CDKN2A: variants seen among roughly 807,000 people sequenced by gnomAD.
The protein encoded by CDKN2A is cyclin dependent kinase inhibitor 2A.
A neutral mutation model predicts 11.1 loss-of-function variants in CDKN2A; 3 were observed. The observed-to-expected ratio is 0.27, with a 90% CI of 0.12 to 0.70. The LOEUF is 0.70. Among genes scored for constraint, CDKN2A ranks in the 30% least tolerant of loss-of-function variants. The pLI, the probability that CDKN2A is intolerant of heterozygous loss-of-function variation, is 0.77. For missense variants in CDKN2A, 265 were observed against 233.6 expected, an observed-to-expected ratio of 1.13 and a Z score of -0.88; for synonymous variants, 122 against 108.1, an observed-to-expected ratio of 1.13 and a Z score of -0.80.
intron 1 of CDKN2A, among the ~76,000 whole-genome samples, chr9:21,971,595 T>TTTTTTTTTTTTTTC (rs1819764570): frequency 6.7e-6 from 1 of 150,304 alleles, no homozygotes; most frequent in African/African-American, 2.5e-5. Context: ...TTTTTTTTGT[T>TTTTTTTTTTTTTTC]CACTGCTGTA....
At chr9:21,994,542 C>T in intron 1 of CDKN2A, 1 of 1,244,668 alleles carries the variant, frequency 8.0e-7, no homozygotes, top group Non-Finnish European at 1.1e-6. Flanking sequence ...CACTCCCACC[C>T]GGACCTCCAA....
intron 2 of CDKN2A, 73 bp downstream of exon 2, chr9:21,970,829 T>G: frequency 6.3e-7 from 1 of 1,578,664 alleles, no homozygotes; most frequent in South Asian, 1.1e-5. Flanking sequence ...GGCTGAACTT[T>G]CTGTGCTGGA....
At chr9:21,978,727 C>T (rs1414843207), upstream of CDKN2A, among the ~76,000 whole-genome samples, 1 of 152,138 alleles carries the variant, frequency 6.6e-6, no homozygotes, top group African/African-American at 2.4e-5. Context: ...AAAAAGACTA[C>T]CACCTGTTCA....
upstream of CDKN2A, among the ~76,000 whole-genome samples, chr9:21,977,774 T>A (rs532075359): frequency 9.7e-4 from 147 of 152,270 alleles, no homozygotes; most frequent in South Asian, 2.9e-3. Context: ...TGATTTTTTT[T>A]AAAAAAGATG....
intron 2 of CDKN2A, among the ~76,000 whole-genome samples, chr9:21,982,932 T>C (rs1472812837): frequency 9.2e-5 from 14 of 152,056 alleles, no homozygotes; most frequent in Non-Finnish European, 1.5e-5. Flanking sequence ...CTTAAGGTTC[T>C]CAGTTCTGTT....
rs761002695 is a variant in CDKN2A, at chr9:21,994,194, C to T, written c.-175-141G>A. ...GACGCTGGCTCCTCAGTAGCATCAG[C>T]ACGAGGGCCACAGCGGCGGGCGCCC... On this transcript the variant is annotated intron_variant, in intron 1 of 3. Coordinates refer to the CDKN2A transcript ENST00000494262. 1.9e-6 allele frequency: 3 copies of T among 1,606,324 alleles called. No homozygotes were observed. The highest frequency in any genetic ancestry group is 1.1e-5 in the South Asian group (1 of 91,064).
intron 1 of CDKN2A, chr9:21,971,449 C>T: frequency 1.6e-6 from 2 of 1,276,406 alleles, no homozygotes; most frequent in East Asian, 2.6e-5. Flanking sequence ...GCAGAGAGCA[C>T]TGTGAGGCAC....
rs372481694 is a variant in CDKN2A, at chr9:21,971,034, C to G, written c.325G>C (p.Ala109Pro). The G allele has an allele frequency of 1.2e-5, 19 of 1,606,256 alleles. No individual in the cohort carries two copies. In the African/African-American group the frequency reaches 2.0e-4, roughly 17 times the overall value. ...AGGTCCACGGGCAGACGGCCCCAGG[C>G]ATCGCGCACGTCCAGCCGCGCCCCG... ...RAGARLDVRD[A>P]WGRLPVDLAE... Residue 109 changes from alanine to proline, a missense_variant, in exon 2 of 3, where the codon GCC becomes CCC. By Grantham distance (27) the Ala-to-Pro change is conservative. Coordinates refer to ENST00000304494, the MANE Select transcript of CDKN2A (RefSeq NM_000077.5).
At chr9:21,975,574 C>T (rs140967327), upstream of CDKN2A, among the ~76,000 whole-genome samples, 241 of 152,294 alleles carry the variant, frequency 1.6e-3, 1 homozygote, top group African/African-American at 5.6e-3. Flanking sequence ...TTCCCCTCCC[C>T]TTCCCCTCCT....
At position 21,974,765 on chromosome 9, in the gene CDKN2A, G is replaced by C. The variant is rs2131113267; in HGVS notation, c.63C>G (p.Ala21=). Residue 21 remains alanine, a synonymous_variant, in exon 1 of 3, where the codon GCC becomes GCG. Coordinates refer to ENST00000304494, the MANE Select transcript of CDKN2A (RefSeq NM_000077.5). This position sits in a 1 kb window ranked among gnomAD's most constrained non-coding sequence, Gnocchi z 5.2. ...PSADWLATAA[A]RGRVEEVRAL... The stretch of plus-strand genomic sequence containing the variant: ...CCCGCACCTCCTCTACCCGACCCCG[G>C]GCCGCGGCCGTGGCCAGCCAGTCAG... 1 of 1,608,830 alleles carries C rather than the reference G, an allele frequency of 6.2e-7. No individual in the cohort carries two copies. The highest frequency in any genetic ancestry group is 1.1e-5 in the South Asian group (1 of 90,990).
Position 21,968,552 on chromosome 9 carries a change from A to G in CDKN2A, c.458-310T>C. Reference sequence around the variant, plus strand: ...TGCAAGAAGAAAACGAGTGTTATATAATGAGTCTCAGTGGTTGCTCACAAT... The same window carrying G: ...TGCAAGAAGAAAACGAGTGTTATATGATGAGTCTCAGTGGTTGCTCACAAT... On this transcript the variant is annotated intron_variant, in intron 2 of 2. Transcript: ENST00000304494. This position sits in a 1 kb window ranked among gnomAD's most constrained non-coding sequence, Gnocchi z 4.7. The G allele has an allele frequency of 1.4e-6, 2 of 1,457,206 alleles. No homozygotes were observed. Among genetic ancestry groups the G allele is most frequent in the Non-Finnish European group, 9.0e-7 (1 of 1,112,532 alleles). The allele number at this position is 1,457,206 out of a possible 1,614,324, so 90.3% of individuals were successfully genotyped here.
At position 21,988,396 on chromosome 9, in the gene CDKN2A, T is replaced by C. The variant is rs1385316877; in HGVS notation, c.-4+5486A>G. 6.6e-6 allele frequency among the ~76,000 whole-genome samples: 1 copy of C among 152,236 alleles called. No individual in the cohort carries two copies. Among genetic ancestry groups the C allele is most frequent in the East Asian group, 1.9e-4 (1 of 5,202 alleles). On this transcript the variant is annotated intron_variant, in intron 2 of 3. Transcript: ENST00000494262. The surrounding 1 kb of genome is among the most constrained non-coding windows in gnomAD (Gnocchi z 4.1). ...TTGGGAATTTCAATCCTGTAGTTGA[T>C]GGCTTTCACTTTTTTTTCCCTTTTA...
In CDKN2A at chr9:21,988,096, C is replaced by T. The variant is rs1044025889; in HGVS notation, c.-4+5786G>A. On this transcript the variant is annotated intron_variant, in intron 2 of 3. Transcript: ENST00000494262. The surrounding 1 kb of genome is among the most constrained non-coding windows in gnomAD (Gnocchi z 4.1). ...TTTTATTTACGTTACCTTGATTGTA[C>T]GATTTTATTAGTTTCAATTTGCTTA... 7.2e-5 allele frequency among the ~76,000 whole-genome samples: 11 copies of T among 152,094 alleles called. No individual in the cohort carries two copies. The South Asian group carries it at 1.4e-3, about 20-fold the overall frequency.
rs59981968 is a variant in CDKN2A, at chr9:21,971,575, ATT to A, written c.151-369_151-368del. Among the ~76,000 whole-genome samples, 1,107 of 111,356 alleles carry A rather than the reference ATT, an allele frequency of 9.9e-3. 65 individuals are homozygous for A. Among genetic ancestry groups the A allele is most frequent in the Admixed American group, 0.084 (825 of 9,816 alleles). 73.1% of individuals were successfully genotyped at this position (111,356 alleles called of 152,430 possible). ...TCCTGAAATTATGTTAGGCCTGGAG[ATT>A]TTTTTTTTTTTTTTTGTTCACTGCT... On this transcript the variant is annotated intron_variant, in intron 1 of 2. Transcript: ENST00000304494.
chr9:21,968,358 C>A lies in CDKN2A; in HGVS notation c.458-116G>T. 1 of 1,507,158 alleles carries A rather than the reference C, an allele frequency of 6.6e-7. No homozygotes were observed. The highest frequency in any genetic ancestry group is 9.1e-7 in the Non-Finnish European group (1 of 1,101,588). 93.4% of individuals were successfully genotyped at this position (1,507,158 alleles called of 1,614,324 possible). A position where few individuals can be genotyped will look rare whatever the true frequency, so the allele number is the denominator to read the frequency against. ...CATTGAAATACTTATGGATAAAGTT[C>A]TCGCAATGGCTTCACGTGCATGTAC... is the stretch of plus-strand genomic sequence containing the variant. On this transcript the variant is annotated intron_variant, in intron 2 of 2. Coordinates refer to ENST00000304494, the MANE Select transcript of CDKN2A (RefSeq NM_000077.5). This position sits in a 1 kb window ranked among gnomAD's most constrained non-coding sequence, Gnocchi z 4.7.
At chr9:21,993,852 T>A in intron 2 of CDKN2A, 3 of 481,464 alleles carry the variant, frequency 6.2e-6, no homozygotes, top group Non-Finnish European at 7.6e-6. Flanking sequence ...TGTGTCTTAG[T>A]CATTCCCACC....
At position 21,968,507 on chromosome 9, in the gene CDKN2A, G is replaced by T; in HGVS notation, c.458-265C>A. On this transcript the variant is annotated intron_variant, in intron 2 of 2. Transcript: ENST00000304494. The surrounding 1 kb of genome is among the most constrained non-coding windows in gnomAD (Gnocchi z 4.7). ...ACCCGGCGGAGGGCAGAGAAAGCGCGACCGCGCGGCCCGCAGGGTTGCAAG... is the reference window on the plus strand; with the variant it reads ...ACCCGGCGGAGGGCAGAGAAAGCGCTACCGCGCGGCCCGCAGGGTTGCAAG... 1.4e-6 allele frequency: 2 copies of T among 1,451,864 alleles called. No homozygotes were observed. The highest frequency in any genetic ancestry group is 1.8e-6 in the Non-Finnish European group (2 of 1,109,660). 89.9% of individuals were successfully genotyped at this position (1,451,864 alleles called of 1,614,324 possible).
At chr9:21,974,883 C>G (rs1319347237), upstream of CDKN2A, 3 of 1,467,670 alleles carry the variant, frequency 2.0e-6, no homozygotes, top group Non-Finnish European at 2.7e-6. This position sits in a 1 kb window ranked among gnomAD's most constrained non-coding sequence, Gnocchi z 5.2. Flanking sequence ...GCCGAGCGCA[C>G]GCGGTCCGCC....
In CDKN2A at chr9:21,971,016, C is replaced by T. The variant is rs779913365; in HGVS notation, c.343G>A (p.Val115Met). 3 of 1,607,766 alleles carry T rather than the reference C, an allele frequency of 1.9e-6. No individual in the cohort carries two copies. The East Asian group carries it at 6.7e-5, about 36-fold the overall frequency. ...DVRDAWGRLPVDLAEELGHRD... is the reference protein window; with the variant it reads ...DVRDAWGRLPMDLAEELGHRD... ...TGGCCCAGCTCCTCAGCCAGGTCCA[C>T]GGGCAGACGGCCCCAGGCATCGCGC... is the stretch of plus-strand genomic sequence containing the variant. Residue 115 changes from valine to methionine, a missense_variant, in exon 2 of 3, where the codon GTG (valine) becomes ATG (methionine). Val to Met is a conservative substitution (Grantham distance 21, BLOSUM62 1). Transcript: ENST00000304494.
Sources: allele counts gnomAD v4.1 joint callset (sites outside exome capture counted in the v4.1 genomes callset), GRCh38; gene constraint gnomAD v4.1.1; non-coding constraint Gnocchi (gnomAD v3.1); transcripts MANE v1.5; gene names NCBI Gene and HGNC (gene_info 2026-07-23, HGNC 2026-07-21).